NLGN4X: variants seen among roughly 807,000 people sequenced by gnomAD.
NLGN4X encodes the protein neuroligin-4, X-linked.
Under a neutral mutation model 40.3 loss-of-function variants are expected in NLGN4X, and 3 were observed. The ratio of observed to expected loss-of-function variants is 0.07; its 90% CI spans 0.03 to 0.19. The LOEUF (loss-of-function observed/expected upper bound fraction) is 0.19. Among genes scored for constraint, NLGN4X ranks in the 10% least tolerant of loss-of-function variants. NLGN4X has a pLI of 1.00. For synonymous variants in NLGN4X, 270 were observed against 306.8 expected, an observed-to-expected ratio of 0.88 and a Z score of 1.25; for missense variants, 382 against 708.3, an observed-to-expected ratio of 0.54 and a Z score of 5.23.
intron 1 of NLGN4X, among the ~76,000 whole-genome samples, chrX:6,172,068 T>C (rs771387390): frequency 8.0e-5 from 9 of 111,974 alleles, no homozygotes; most frequent in Admixed American, 2.8e-4. Flanking sequence ...GGAGCCGCCA[T>C]GCTTCCTGTA....
At chrX:6,111,554 C>T (rs902203576) in intron 2 of NLGN4X, among the ~76,000 whole-genome samples, 1 of 111,070 alleles carries the variant, frequency 9.0e-6, no homozygotes, top group African/African-American at 3.3e-5. Context: ...CCCTGGTCAA[C>T]GTAGTGAGTC....
intron 3 of NLGN4X, among the ~76,000 whole-genome samples, chrX:5,980,882 C>A (rs1224981384): frequency 2.8e-5 from 3 of 108,344 alleles, no homozygotes; most frequent in African/African-American, 1.1e-4. Flanking sequence ...TATTGTAGAT[C>A]TTTTGTATTT....
intron 1 of NLGN4X, among the ~76,000 whole-genome samples, chrX:6,228,312 A>G (rs889150288): frequency 2.7e-5 from 3 of 111,818 alleles, no homozygotes; most frequent in Non-Finnish European, 5.6e-5. Flanking sequence ...ATGAAGGTCT[A>G]CACTCCCACC....
intron 2 of NLGN4X, among the ~76,000 whole-genome samples, chrX:6,149,585 C>T (rs2040122209): frequency 9.0e-6 from 1 of 111,598 alleles, no homozygotes; most frequent in Admixed American, 9.6e-5. Context: ...CAGAACACCC[C>T]ATGGAAGTAC....
chrX:5,991,324 C>T (rs1247073058), intron 3 of NLGN4X: 2 of 425,507 alleles, frequency 4.7e-6, no homozygotes, highest in Non-Finnish European at 8.7e-6. Context: ...TCTCCCTTCC[C>T]CCCACAGCAT....
intron 2 of NLGN4X, among the ~76,000 whole-genome samples, chrX:6,111,537 A>C (rs2039148906): frequency 9.0e-6 from 1 of 111,437 alleles, no homozygotes; most frequent in Non-Finnish European, 1.9e-5. Context: ...CCAGGAGTTC[A>C]AAACCACCCT....
chrX:5,901,740 A>C (rs1035294851), intron 5 of NLGN4X, among the ~76,000 whole-genome samples: 1 of 108,401 alleles, frequency 9.2e-6, no homozygotes, highest in Middle Eastern at 4.8e-3. Flanking sequence ...TTCTCTCTCT[A>C]GTTATTTATA....
In NLGN4X at chrX:6,189,500, T is replaced by C. The variant is rs1241899611; in HGVS notation, c.-305-37729A>G. 3.9e-4 allele frequency among the ~76,000 whole-genome samples: 44 copies of C among 112,370 alleles called. No homozygotes were observed. The Admixed American group carries it at 4.2e-3, about 11-fold the overall frequency. The stretch of plus-strand genomic sequence containing the variant: ...TGATAATGCCCAGTGGTTTCAAATG[T>C]AGTTTGAACCTAAGTGCATATGGTA... On this transcript the variant is annotated intron_variant, in intron 1 of 5. Transcript: ENST00000381095.
At position 6,153,576 on chromosome X, in the gene NLGN4X, A is replaced by C. The variant is rs1480073976; in HGVS notation, c.-305-1805T>G. ...TACTTTCAGCCTGGGGGCCAAAACCACTCTCAAATATTTAAAAGCTACTTG... is the reference window on the plus strand; with the variant it reads ...TACTTTCAGCCTGGGGGCCAAAACCCCTCTCAAATATTTAAAAGCTACTTG... On this transcript the variant is annotated intron_variant, in intron 1 of 5. Transcript: ENST00000381095. 2.7e-5 allele frequency among the ~76,000 whole-genome samples: 3 copies of C among 111,757 alleles called. No individual in the cohort carries two copies. The Admixed American group carries it at 2.9e-4, about 11-fold the overall frequency.
intron 1 of NLGN4X, among the ~76,000 whole-genome samples, chrX:6,220,930 A>G (rs1234230072): frequency 9.2e-6 from 1 of 108,134 alleles, no homozygotes; most frequent in Admixed American, 9.8e-5. Flanking sequence ...TAGAGACAGG[A>G]TTTCGCCATG....
chrX:5,986,734 C>A (rs1031263799), intron 3 of NLGN4X, among the ~76,000 whole-genome samples: 1 of 111,886 alleles, frequency 8.9e-6, no homozygotes, highest in African/African-American at 3.2e-5. Context: ...CTTCACCAAA[C>A]AGGACATATG....
At chrX:6,198,336 G>A (rs760237789) in intron 1 of NLGN4X, among the ~76,000 whole-genome samples, 1 of 111,571 alleles carries the variant, frequency 9.0e-6, no homozygotes, top group African/African-American at 3.3e-5. Context: ...TAGGACATAA[G>A]ATATAACGAT....
rs140929395 is a variant in NLGN4X, at chrX:5,919,757, G to A, written c.626-10518C>T. Reference sequence around the variant, plus strand: ...GAGGTGGAAGTTTCATACTGAAACCGTTCCCCTACTTGGAAAAAATTATCT... The same window carrying A: ...GAGGTGGAAGTTTCATACTGAAACCATTCCCCTACTTGGAAAAAATTATCT... On this transcript the variant is annotated intron_variant, in intron 3 of 5. Coordinates refer to ENST00000381095, the MANE Select transcript of NLGN4X (RefSeq NM_181332.3). Among the ~76,000 whole-genome samples the A allele has an allele frequency of 6.5e-3, 730 of 111,720 alleles. 1 individual carries two copies. The highest frequency in any genetic ancestry group is 0.028 in the Middle Eastern group (6 of 218).
At chrX:5,948,321 A>T (rs183674695) in intron 3 of NLGN4X, among the ~76,000 whole-genome samples, 92 of 112,482 alleles carry the variant, frequency 8.2e-4, no homozygotes, top group African/African-American at 2.8e-3. Context: ...AAGAAATTTT[A>T]AAAGAATATA....
intron 2 of NLGN4X, among the ~76,000 whole-genome samples, chrX:6,132,826 T>G (rs894810578): frequency 9.0e-6 from 1 of 110,826 alleles, no homozygotes; most frequent in African/African-American, 3.3e-5. Flanking sequence ...CATTCAGACA[T>G]GTGGATCAGC....
chrX:6,027,819 ATTAT>A lies in NLGN4X; in HGVS notation c.625+1457_625+1460del, dbSNP rs1281107766. Among the ~76,000 whole-genome samples, 4 of 82,734 alleles carry A rather than the reference ATTAT, an allele frequency of 4.8e-5. No homozygotes were observed. The Admixed American group carries it at 5.2e-4, about 11-fold the overall frequency. 71.8% of individuals were successfully genotyped at this position (82,734 alleles called of 115,157 possible). Reference sequence around the variant, plus strand: ...TAATTAATTTATTACTAGTATTATTATTATTTTTTTTTTTTTGAGAAAAGTCTCA... The same window carrying A: ...TAATTAATTTATTACTAGTATTATTATTTTTTTTTTTTGAGAAAAGTCTCA... On this transcript the variant is annotated intron_variant, in intron 3 of 5. Coordinates refer to ENST00000381095, the MANE Select transcript of NLGN4X (RefSeq NM_181332.3).
intron 1 of NLGN4X, chrX:6,187,911 G>T (rs1485912948): frequency 8.9e-6 from 1 of 112,317 alleles, no homozygotes; most frequent in East Asian, 2.8e-4. Context: ...AAGAAACACA[G>T]ATGAGCTTTA....
rs183340799 is a variant in NLGN4X, at chrX:5,971,941, G to T, written c.625+57339C>A. 3.9e-4 allele frequency among the ~76,000 whole-genome samples: 44 copies of T among 111,778 alleles called. No homozygotes were observed. In the East Asian group the frequency reaches 7.9e-3, roughly 20 times the overall value. ...ACAGAAACTTTAATTTTTAAAAAATGATTTCCCTACCTCCAGACATGGGCT... is the reference window on the plus strand; with the variant it reads ...ACAGAAACTTTAATTTTTAAAAAATTATTTCCCTACCTCCAGACATGGGCT... On this transcript the variant is annotated intron_variant, in intron 3 of 5. Transcript: ENST00000381095.
At chrX:6,056,988 G>A (rs756933380) in intron 2 of NLGN4X, among the ~76,000 whole-genome samples, 4 of 111,972 alleles carry the variant, frequency 3.6e-5, no homozygotes, top group Non-Finnish European at 5.6e-5. Flanking sequence ...GCGATGCTAC[G>A]AAAATTTTTA....
Sources: allele counts gnomAD v4.1 joint callset (sites outside exome capture counted in the v4.1 genomes callset), GRCh38; gene constraint gnomAD v4.1.1; transcripts MANE v1.5; gene names NCBI Gene and HGNC (gene_info 2026-07-23, HGNC 2026-07-21).